OPRM1: variants seen among roughly 807,000 people sequenced by gnomAD.
The protein encoded by OPRM1 is opioid receptor mu 1.
In OPRM1, 27 loss-of-function variants were observed where a neutral mutation model predicts 31.8. The observed-to-expected ratio is 0.85, with a 90% confidence interval of 0.63 to 1.17. The LOEUF (loss-of-function observed/expected upper bound fraction) is 1.17. OPRM1 is among the 50% of genes most tolerant of loss of function. The probability of loss-of-function intolerance (pLI) is 0.00; values close to 1 mark genes in which losing one functional copy is unlikely to be tolerated. For synonymous variants in OPRM1, 196 were observed against 189.9 expected, an observed-to-expected ratio of 1.03 and a Z score of -0.26; for missense variants, 536 against 511.1, an observed-to-expected ratio of 1.05 and a Z score of -0.47.
rs573698787 is a variant in OPRM1 at position 154,107,566 on chromosome 6, C to T, written c.1165-11117C>T. 1.4e-4 allele frequency: 100 copies of T among 718,498 alleles called. No homozygotes were observed. Among genetic ancestry groups the T allele is most frequent in the African/African-American group, 1.0e-3 (59 of 57,344 alleles). 44.5% of individuals were successfully genotyped at this position (718,498 alleles called of 1,614,324 possible). ...TTCCCTTCCCAGGAAGAGTCTAGAG[C>T]ATTAATTTTGAGTTTGCAAAGGCTT... On this transcript the variant is annotated intron_variant, in intron 3 of 3. Coordinates refer to ENST00000330432, the MANE Select transcript of OPRM1 (RefSeq NM_000914.5).
At chr6:154,196,877 A>G (rs1776664504) in intron 3 of OPRM1, among the ~76,000 whole-genome samples, 1 of 152,204 alleles carries the variant, frequency 6.6e-6, no homozygotes, top group African/African-American at 2.4e-5. Context: ...ACAGGAGAAA[A>G]TGTCTAACAG....
chr6:154,127,384 CTA>C lies in OPRM1; in HGVS notation c.*8664_*8665del, dbSNP rs1250926009. Among the ~76,000 whole-genome samples, 1 of 152,140 alleles carries C rather than the reference CTA, an allele frequency of 6.6e-6. No individual in the cohort carries two copies. The highest frequency in any genetic ancestry group is 1.5e-5 in the Non-Finnish European group (1 of 68,028). On this transcript the variant is annotated 3_prime_UTR_variant, in exon 4 of 4. Transcript: ENST00000330432. ...TCAGAAACACCTATGCCCTACTTGC[CTA>C]CTCTTCAAGGGTTTAGGGGCTTAGG...
chr6:154,143,144 AAT>A (rs769879928), intron 3 of OPRM1, among the ~76,000 whole-genome samples: 1 of 152,246 alleles, frequency 6.6e-6, no homozygotes, highest in Non-Finnish European at 1.5e-5. Flanking sequence ...GCACAGATAT[AAT>A]ATGTGTTTAA....
In OPRM1 at chr6:154,091,413, C is replaced by T. The variant is rs1010052797; in HGVS notation, c.1105C>T (p.Arg369Cys). The change falls in exon 3 of 4, where the codon CGT (arginine) becomes TGT (cysteine). Residue 369 changes from arginine to cysteine, a missense_variant. Arg to Cys is a radical substitution (Grantham distance 180). Coordinates refer to ENST00000330432, the MANE Select transcript of OPRM1 (RefSeq NM_000914.5). ...NIEQQNSTRI[R>C]QNTRDHPSTA... Reference sequence around the variant, plus strand: ...TGAGCAACAAAACTCCACTCGAATTCGTCAGAACACTAGAGACCACCCCTC... The same window carrying T: ...TGAGCAACAAAACTCCACTCGAATTTGTCAGAACACTAGAGACCACCCCTC... The T allele has an allele frequency of 1.2e-5, 19 of 1,613,858 alleles. No individual in the cohort carries two copies. The highest frequency in any genetic ancestry group is 1.0e-4 in the Admixed American group (6 of 59,986).
intron 3 of OPRM1, among the ~76,000 whole-genome samples, chr6:154,094,986 G>A (rs1793101690): frequency 2.0e-5 from 3 of 152,144 alleles, no homozygotes; most frequent in African/African-American, 2.4e-5. Context: ...CCAGAGTCTA[G>A]CACATTAAAA....
intron 3 of OPRM1, chr6:154,093,315 T>TG: frequency 6.2e-7 from 1 of 1,613,836 alleles, no homozygotes; most frequent in Non-Finnish European, 8.5e-7. Context: ...AGAGCAAGGC[T>TG]GCTTGGTTGT....
At chr6:154,062,514 TA>T (rs1784614885) in intron 1 of OPRM1, among the ~76,000 whole-genome samples, 1 of 152,034 alleles carries the variant, frequency 6.6e-6, no homozygotes, top group South Asian at 2.1e-4. Context: ...TTACAAATGC[TA>T]TTGAGTTTTC....
intron 1 of OPRM1, among the ~76,000 whole-genome samples, chr6:154,083,870 G>A (rs1583436296): frequency 1.3e-5 from 2 of 151,210 alleles, no homozygotes; most frequent in South Asian, 4.2e-4. Flanking sequence ...CGTGAACCCG[G>A]GAGGCGGAGC....
intron 3 of OPRM1, among the ~76,000 whole-genome samples, chr6:154,150,987 G>A (rs912896431): frequency 1.3e-5 from 2 of 152,130 alleles, no homozygotes; most frequent in African/African-American, 2.4e-5. Flanking sequence ...TTTCCCCCAC[G>A]CCTGTCAAAT....
rs192925986 is a variant in OPRM1 at position 154,110,570 on chromosome 6, C to A, written c.1165-8113C>A. On this transcript the variant is annotated intron_variant, in intron 3 of 3. Coordinates refer to ENST00000330432, the MANE Select transcript of OPRM1 (RefSeq NM_000914.5). ...GGGATCCCTTCACAAGCAGGAGTTT[C>A]CGAGCTCTTTTGACTGCTCAAGAAT... The A allele has an allele frequency of 2.1e-3, 1,234 of 593,384 alleles. 3 individuals carry two copies. The highest frequency in any genetic ancestry group is 3.0e-3 in the Non-Finnish European group (984 of 328,406). The allele number at this position is 593,384 out of a possible 1,614,324, so 36.8% of individuals were successfully genotyped here. A position where few individuals can be genotyped will look rare whatever the true frequency, so the allele number is the denominator to read the frequency against.
chr6:154,106,133 C>T (rs1795534510), intron 3 of OPRM1, among the ~76,000 whole-genome samples: 1 of 152,056 alleles, frequency 6.6e-6, no homozygotes, highest in South Asian at 2.1e-4. Context: ...AGATTTTTTT[C>T]TTACTTAAAA....
intron 3 of OPRM1, among the ~76,000 whole-genome samples, chr6:154,191,183 A>G (rs983434522): frequency 6.6e-6 from 1 of 152,196 alleles, no homozygotes; most frequent in East Asian, 1.9e-4. Context: ...GACATTCTGG[A>G]AAAGGTAAAA....
At chr6:154,036,373 A>G (rs555441612), upstream of OPRM1, among the ~76,000 whole-genome samples, 7 of 152,214 alleles carry the variant, frequency 4.6e-5, no homozygotes, top group African/African-American at 1.7e-4. Flanking sequence ...TTCAAAATAG[A>G]AGGATAATAA....
chr6:154,212,571 T>C (rs551145262), intron 3 of OPRM1, among the ~76,000 whole-genome samples: 1 of 152,324 alleles, frequency 6.6e-6, no homozygotes, highest in East Asian at 1.9e-4. Flanking sequence ...CACACAAATA[T>C]ACCAAGTTTA....
intron 3 of OPRM1, chr6:154,108,164 T>TC: frequency 2.1e-6 from 1 of 486,670 alleles, no homozygotes; most frequent in Non-Finnish European, 3.7e-6. Flanking sequence ...AAAGGAAATT[T>TC]TTTTTTTTCA....
chr6:154,135,678 C>T (rs1798044451), downstream of OPRM1, among the ~76,000 whole-genome samples: 1 of 152,184 alleles, frequency 6.6e-6, no homozygotes, highest in East Asian at 1.9e-4. Flanking sequence ...GCCATGGTGT[C>T]CAACTTCTCC....
At chr6:154,115,550 AAG>A (rs748729832) in intron 3 of OPRM1, among the ~76,000 whole-genome samples, 1 of 152,014 alleles carries the variant, frequency 6.6e-6, no homozygotes, top group Admixed American at 6.6e-5. Flanking sequence ...AAAAGAAAAA[AAG>A]AGAGAGAGAG....
Position 154,172,849 on chromosome 6 carries a change from C to T in OPRM1, c.1165-73844C>T, listed in dbSNP as rs1799987421. ...ATTCGATCTCTGATAACGGACAGAC[C>T]ACTTCCTCAAGTGGGTCCCTGACCC... On this transcript the variant is annotated intron_variant, in intron 3 of 3. Transcript: ENST00000337049. 2.0e-5 allele frequency among the ~76,000 whole-genome samples: 3 copies of T among 152,342 alleles called. 1 individual carries two copies. The highest frequency in any genetic ancestry group is 4.1e-4 in the South Asian group (2 of 4,822).
At chr6:154,090,852 TG>T in intron 2 of OPRM1, 99 bp from the exon 3 acceptor site, 1 of 1,031,250 alleles carries the variant, frequency 9.7e-7, no homozygotes, top group Non-Finnish European at 1.4e-6. Flanking sequence ...AAGTTAGCTC[TG>T]GTCAAGGCTA....
Sources: allele counts gnomAD v4.1 joint callset (sites outside exome capture counted in the v4.1 genomes callset), GRCh38; gene constraint gnomAD v4.1.1; transcripts MANE v1.5; gene names NCBI Gene and HGNC (gene_info 2026-07-23, HGNC 2026-07-21).